The following MAF variants were observed in gnomAD, a reference collection of about 807,000 sequenced individuals.
The protein encoded by MAF is MAF bZIP transcription factor.
A neutral mutation model predicts 22.0 loss-of-function variants in MAF; 10 were observed. The ratio of observed to expected loss-of-function variants is 0.45; its 90% confidence interval spans 0.28 to 0.77. The LOEUF (loss-of-function observed/expected upper bound fraction) is 0.77, where lower values mean the gene tolerates loss of function less well. Ranked by LOEUF, MAF falls within the 30% of genes least tolerant of loss-of-function variation. The pLI is 0.12. For synonymous variants in MAF, 337 were observed against 255.8 expected, an observed-to-expected ratio of 1.32 and a Z score of -3.03; for missense variants, 544 against 548.4, an observed-to-expected ratio of 0.99 and a Z score of 0.08.
the MAF span, among the ~76,000 whole-genome samples, chr16:79,395,989 C>T: frequency 1.3e-5 from 2 of 152,284 alleles, no homozygotes; most frequent in African/African-American, 2.4e-5. Flanking sequence ...TGCCTCAGTT[C>T]CGGCTCTCCA....
chr16:79,506,354 G>A, the MAF span, among the ~76,000 whole-genome samples: 1 of 152,070 alleles, frequency 6.6e-6, no homozygotes, highest in Admixed American at 6.6e-5. Flanking sequence ...TTTATTTCCT[G>A]GGGGAAGGAC....
chr16:79,559,475 G>A, the MAF span, among the ~76,000 whole-genome samples: 2 of 152,168 alleles, frequency 1.3e-5, no homozygotes, highest in Non-Finnish European at 2.9e-5. Context: ...CTCCCCAAGA[G>A]GCGCACATCC....
At chr16:79,521,106 G>A in the MAF span, among the ~76,000 whole-genome samples, 2 of 152,222 alleles carry the variant, frequency 1.3e-5, no homozygotes, top group African/African-American at 2.4e-5. Context: ...AAGCAAGAAT[G>A]CATCGAAAGC....
chr16:79,394,546 C>T, the MAF span, among the ~76,000 whole-genome samples: 45 of 152,328 alleles, frequency 3.0e-4, no homozygotes, highest in Non-Finnish European at 5.3e-4. Flanking sequence ...GTCTTCCCAA[C>T]TTGAGGGGTA....
chr16:79,549,193 A>G, the MAF span, among the ~76,000 whole-genome samples: 1 of 152,172 alleles, frequency 6.6e-6, no homozygotes, highest in Non-Finnish European at 1.5e-5. Flanking sequence ...AACAACTGCA[A>G]GAGTGTCCAG....
chr16:79,276,540 G>C, the MAF span, among the ~76,000 whole-genome samples: 291 of 152,264 alleles, frequency 1.9e-3, 1 homozygote, highest in African/African-American at 6.7e-3. Flanking sequence ...TTTAAAATTT[G>C]GGTGGAAACC....
the MAF span, among the ~76,000 whole-genome samples, chr16:79,372,256 G>C: frequency 6.6e-6 from 1 of 151,948 alleles, no homozygotes; most frequent in Non-Finnish European, 1.5e-5. Context: ...GGTGAGGATG[G>C]GGGAACTTGC....
At chr16:79,313,690 T>C in the MAF span, among the ~76,000 whole-genome samples, 1 of 152,162 alleles carries the variant, frequency 6.6e-6, no homozygotes, top group Non-Finnish European at 1.5e-5. Flanking sequence ...GCTTTTAGCC[T>C]TGCTTCTGTG....
At chr16:79,249,119 C>T in the MAF span, among the ~76,000 whole-genome samples, 10 of 151,974 alleles carry the variant, frequency 6.6e-5, no homozygotes, top group Non-Finnish European at 1.3e-4. Flanking sequence ...TGGATTAGTG[C>T]CTTTATAAAA....
the MAF span, among the ~76,000 whole-genome samples, chr16:79,303,505 G>A: frequency 6.6e-6 from 1 of 152,186 alleles, no homozygotes; most frequent in East Asian, 1.9e-4. Flanking sequence ...TCTTGCCTTT[G>A]ACCTTAGGCG....
the MAF span, among the ~76,000 whole-genome samples, chr16:79,440,188 G>C: frequency 9.2e-5 from 14 of 152,180 alleles, no homozygotes; most frequent in Non-Finnish European, 1.5e-4. Flanking sequence ...AGAATGATAA[G>C]GAAGAAAAGC....
chr16:79,210,286 C>T, the MAF span, among the ~76,000 whole-genome samples: 2 of 152,324 alleles, frequency 1.3e-5, no homozygotes, highest in South Asian at 2.1e-4. Flanking sequence ...GCAGATTCTT[C>T]ACGTCGTAAC....
At chr16:79,577,716 C>G in the MAF span, among the ~76,000 whole-genome samples, 4 of 152,190 alleles carry the variant, frequency 2.6e-5, 1 homozygote, top group Admixed American at 2.6e-4. Context: ...TTTTTAAAAT[C>G]TGACTTTCAT....
the MAF span, among the ~76,000 whole-genome samples, chr16:79,403,622 G>C: frequency 2.0e-5 from 3 of 152,198 alleles, no homozygotes; most frequent in Admixed American, 2.0e-4. Flanking sequence ...TGACCCACGA[G>C]GCTGGGTTGA....
chr16:79,207,609 T>A, the MAF span, among the ~76,000 whole-genome samples: 1 of 152,246 alleles, frequency 6.6e-6, no homozygotes, highest in Non-Finnish European at 1.5e-5. Flanking sequence ...TGATATTGTG[T>A]CTATTTTTTA....
At chr16:79,351,790 C>T in the MAF span, among the ~76,000 whole-genome samples, 14 of 152,206 alleles carry the variant, frequency 9.2e-5, 2 homozygotes, top group African/African-American at 2.4e-4. Context: ...AAGCCTGGAA[C>T]GGCAGCCTGA....
chr16:79,230,739 G>C, the MAF span, among the ~76,000 whole-genome samples: 22 of 152,058 alleles, frequency 1.4e-4, no homozygotes, highest in Non-Finnish European at 2.9e-4. Flanking sequence ...TGTGCTTTCT[G>C]AAGCTAACAT....
the MAF span, among the ~76,000 whole-genome samples, chr16:79,311,531 C>T: frequency 0.056 from 8,546 of 151,382 alleles, 510 homozygotes; most frequent in East Asian, 0.22. Flanking sequence ...TGTCTGCCCT[C>T]AGCTGCTTTC....
At chr16:79,519,890 C>T in the MAF span, among the ~76,000 whole-genome samples, 1 of 152,200 alleles carries the variant, frequency 6.6e-6, no homozygotes, top group African/African-American at 2.4e-5. Flanking sequence ...CTGCCTTGGC[C>T]CTCCTGGCAC....
Sources: gnomAD v4.1 joint callset for allele counts (sites outside exome capture counted in the v4.1 genomes callset) on GRCh38, gnomAD v4.1.1 for gene constraint, MANE v1.5 for transcripts, NCBI Gene and HGNC (gene_info 2026-07-23, HGNC 2026-07-21) for gene names.